Variants in DENND1A observed in about 807,000 individuals in gnomAD.
DENND1A encodes DENN domain-containing protein 1A.
DENND1A carries 51 observed loss-of-function variants against 113.7 expected under a neutral mutation model. The observed-to-expected ratio is 0.45, with a 90% CI of 0.36 to 0.57. The LOEUF (loss-of-function observed/expected upper bound fraction) is 0.57, where lower values mean the gene tolerates loss of function less well. DENND1A is among the 20% of genes least tolerant of loss of function. The pLI is 0.00. For missense variants in DENND1A, 1,258 were observed against 1,395.9 expected, an observed-to-expected ratio of 0.90 and a Z score of 1.57; for synonymous variants, 565 against 570.8, an observed-to-expected ratio of 0.99 and a Z score of 0.14.
At chr9:123,925,903 C>A (rs929747005) in intron 1 of DENND1A, among the ~76,000 whole-genome samples, 2 of 152,208 alleles carry the variant, frequency 1.3e-5, no homozygotes, top group African/African-American at 4.8e-5. Context: ...TTTCTTCAAA[C>A]TCACTTAGAA....
chr9:123,538,249 G>T (rs1400673342), intron 13 of DENND1A, among the ~76,000 whole-genome samples: 1 of 152,182 alleles, frequency 6.6e-6, no homozygotes, highest in Admixed American at 6.5e-5. Flanking sequence ...ATGTAATAGA[G>T]AAGAGGTTAA....
At chr9:123,633,777 C>G (rs575674620) in intron 9 of DENND1A, among the ~76,000 whole-genome samples, 6 of 152,106 alleles carry the variant, frequency 3.9e-5, no homozygotes, top group South Asian at 2.1e-4. Context: ...CTCTGTCCCC[C>G]CAAAAAAGAA....
At chr9:123,550,426 C>T (rs547041259) in intron 13 of DENND1A, among the ~76,000 whole-genome samples, 15 of 152,372 alleles carry the variant, frequency 9.8e-5, no homozygotes, top group South Asian at 8.3e-4. Flanking sequence ...GGCCTTTCCA[C>T]AGACACTGGC....
chr9:123,880,952 C>T (rs575605359), intron 1 of DENND1A, among the ~76,000 whole-genome samples: 26 of 152,090 alleles, frequency 1.7e-4, no homozygotes, highest in African/African-American at 5.5e-4. Flanking sequence ...GGTAATACTC[C>T]CTCTACTTCC....
At chr9:123,875,994 T>C (rs913211444) in intron 2 of DENND1A, among the ~76,000 whole-genome samples, 1 of 152,248 alleles carries the variant, frequency 6.6e-6, no homozygotes, top group African/African-American at 2.4e-5. Context: ...TTACTCAATT[T>C]ATACTTATTT....
chr9:123,907,462 A>C (rs1426758918), intron 1 of DENND1A, among the ~76,000 whole-genome samples: 1 of 150,332 alleles, frequency 6.7e-6, no homozygotes, highest in Non-Finnish European at 1.5e-5. Flanking sequence ...GTCTCAGCCC[A>C]AAATCTCCTT....
At chr9:123,480,297 G>C (rs1292294513) in intron 13 of DENND1A, among the ~76,000 whole-genome samples, 1 of 151,948 alleles carries the variant, frequency 6.6e-6, no homozygotes, top group African/African-American at 2.4e-5. Context: ...ATGTGCTCAC[G>C]CCACACCTGC....
chr9:123,830,605 G>GCC (rs1167922465), intron 2 of DENND1A, among the ~76,000 whole-genome samples: 1 of 151,952 alleles, frequency 6.6e-6, no homozygotes, highest in African/African-American at 2.4e-5. Context: ...TGGCTCACAA[G>GCC]TGTAATCCCA....
chr9:123,857,436 C>T (rs878964932), intron 2 of DENND1A, among the ~76,000 whole-genome samples: 1 of 152,064 alleles, frequency 6.6e-6, no homozygotes, highest in Non-Finnish European at 1.5e-5. Context: ...GGAATATTTA[C>T]ATAATTTCAA....
At chr9:123,899,478 A>G (rs10818889) in intron 1 of DENND1A, among the ~76,000 whole-genome samples, 10,982 of 152,160 alleles carry the variant, frequency 0.072, 622 homozygotes, top group African/African-American at 0.16. Flanking sequence ...CCTTTTCCCA[A>G]TTTGCATGAA....
At chr9:123,611,982 G>A (rs1044961613) in intron 10 of DENND1A, among the ~76,000 whole-genome samples, 2 of 152,156 alleles carry the variant, frequency 1.3e-5, no homozygotes, top group Admixed American at 6.5e-5. Context: ...AGTAATTATG[G>A]CCTATCGCAG....
intron 13 of DENND1A, among the ~76,000 whole-genome samples, chr9:123,552,018 C>CGAGAGAGAGAGAGAGAGA (rs10657747): frequency 3.4e-5 from 4 of 118,570 alleles, no homozygotes; most frequent in Non-Finnish European, 3.7e-5. Context: ...AGAGCGAGAG[C>CGAGAGAGAGAGAGAGAGA]GAGAGAGAGA....
At chr9:123,791,339 T>C (rs2132033503) in intron 3 of DENND1A, among the ~76,000 whole-genome samples, 1 of 152,296 alleles carries the variant, frequency 6.6e-6, no homozygotes, top group African/African-American at 2.4e-5. Flanking sequence ...TTGCGTAGTT[T>C]GAATCTAAAG....
At chr9:123,454,282 A>C (rs1339891293) in intron 16 of DENND1A, among the ~76,000 whole-genome samples, 1 of 152,174 alleles carries the variant, frequency 6.6e-6, no homozygotes, top group African/African-American at 2.4e-5. Flanking sequence ...AGACGTTGGA[A>C]GCCCTATGCC....
At chr9:123,832,844 G>A (rs917752385) in intron 2 of DENND1A, among the ~76,000 whole-genome samples, 1 of 152,152 alleles carries the variant, frequency 6.6e-6, no homozygotes, top group Non-Finnish European at 1.5e-5. Flanking sequence ...TAGAAGTTAA[G>A]ATAATGGTTT....
At chr9:123,851,383 A>C (rs1324737260) in intron 2 of DENND1A, among the ~76,000 whole-genome samples, 1 of 152,206 alleles carries the variant, frequency 6.6e-6, no homozygotes, top group African/African-American at 2.4e-5. Context: ...TATTACTACT[A>C]TTCTATGTAT....
intron 8 of DENND1A, among the ~76,000 whole-genome samples, chr9:123,655,772 G>T (rs917545415): frequency 6.6e-6 from 1 of 152,194 alleles, no homozygotes; most frequent in Admixed American, 6.5e-5. Context: ...GCCAGAACAC[G>T]TTATGAGCTT....
intron 5 of DENND1A, among the ~76,000 whole-genome samples, chr9:123,697,279 GTGTCTTTAGTCA>G (rs1159110637): frequency 6.6e-6 from 1 of 152,148 alleles, no homozygotes; most frequent in Non-Finnish European, 1.5e-5. Flanking sequence ...AAAAATCAGT[GTGTCTTTAGTCA>G]TACAAGACAA....
intron 18 of DENND1A, among the ~76,000 whole-genome samples, chr9:123,444,013 T>A (rs1297815790): frequency 6.6e-6 from 1 of 151,934 alleles, no homozygotes; most frequent in Non-Finnish European, 1.5e-5. Context: ...CTGGTAGAGA[T>A]CTTATACGTA....
Sources: allele counts gnomAD v4.1 joint callset (sites outside exome capture counted in the v4.1 genomes callset), GRCh38; gene constraint gnomAD v4.1.1; transcripts MANE v1.5; gene names NCBI Gene and HGNC (gene_info 2026-07-23, HGNC 2026-07-21).